The following IWS1 variants were observed in gnomAD, a reference collection of about 807,000 sequenced individuals.
IWS1 encodes the protein protein IWS1 homolog.
In IWS1, 27 loss-of-function variants were observed where a neutral mutation model predicts 86.7. The observed-to-expected ratio is 0.31, with a 90% CI of 0.23 to 0.43. The LOEUF (loss-of-function observed/expected upper bound fraction) is 0.43, where lower values mean the gene tolerates loss of function less well. IWS1 is among the 20% of genes least tolerant of loss of function. IWS1 has a pLI of 1.00. For missense variants in IWS1, 827 were observed against 1,000.8 expected, an observed-to-expected ratio of 0.83 and a Z score of 2.34; for synonymous variants, 313 against 335.1, an observed-to-expected ratio of 0.93 and a Z score of 0.72.
intron 2 of IWS1, among the ~76,000 whole-genome samples, chr2:127,516,032 G>C (rs1541862): frequency 0.013 from 2,014 of 152,176 alleles, 45 homozygotes; most frequent in African/African-American, 0.046. Flanking sequence ...AGAATACTGG[G>C]GCCCTAATCA....
chr2:127,518,015 T>C (rs1202126667), intron 2 of IWS1, among the ~76,000 whole-genome samples: 1 of 152,184 alleles, frequency 6.6e-6, no homozygotes, highest in Non-Finnish European at 1.5e-5. Context: ...CAAGGACTTC[T>C]ATGAGACAGA....
chr2:127,510,745 C>T (rs191464271), intron 2 of IWS1, among the ~76,000 whole-genome samples: 9 of 152,184 alleles, frequency 5.9e-5, no homozygotes, highest in Non-Finnish European at 1.2e-4. Context: ...CCTTGGCCTC[C>T]CAACCAAGTT....
chr2:127,492,569 G>T (rs1407104649), intron 9 of IWS1, among the ~76,000 whole-genome samples: 1 of 151,438 alleles, frequency 6.6e-6, no homozygotes, highest in African/African-American at 2.4e-5. Context: ...AACAAAAAGA[G>T]GTTGAGAGCT....
intron 12 of IWS1, among the ~76,000 whole-genome samples, chr2:127,487,781 A>C (rs1690004789): frequency 1.3e-5 from 2 of 152,114 alleles, no homozygotes; most frequent in Non-Finnish European, 2.9e-5. Context: ...CAACCTCCTG[A>C]CCTCGTGATC....
At chr2:127,492,146 A>T in intron 9 of IWS1, 58 bp from the exon 10 acceptor site, 2 of 1,074,044 alleles carry the variant, frequency 1.9e-6, no homozygotes, top group Non-Finnish European at 2.9e-6. Context: ...GGGTCTTGCT[A>T]GTCTATTCTA....
In IWS1 at chr2:127,481,909, T is replaced by C. The variant is rs115594181; in HGVS notation, c.2329-734A>G. Reference sequence around the variant, plus strand: ...GCAACTAGATTTACATTAAGTATACTTGACACAAAAAGAATATTAAGTCTT... The same window carrying C: ...GCAACTAGATTTACATTAAGTATACCTGACACAAAAAGAATATTAAGTCTT... On this transcript the variant is annotated intron_variant, in intron 13 of 13. Coordinates refer to ENST00000295321, the MANE Select transcript of IWS1 (RefSeq NM_017969.3). Among the ~76,000 whole-genome samples the C allele has an allele frequency of 9.5e-3, 1,446 of 152,312 alleles. 15 individuals carry two copies. The highest frequency in any genetic ancestry group is 0.033 in the African/African-American group (1,368 of 41,572).
chr2:127,513,294 T>A (rs929013030), intron 2 of IWS1, among the ~76,000 whole-genome samples: 1 of 152,110 alleles, frequency 6.6e-6, no homozygotes, highest in African/African-American at 2.4e-5. Flanking sequence ...GGAAACCATA[T>A]AATAACACAG....
intron 3 of IWS1, 138 bp from the exon 4 acceptor site, chr2:127,503,714 A>G: frequency 2.9e-6 from 1 of 338,984 alleles, no homozygotes; most frequent in Non-Finnish European, 4.8e-6. Context: ...ATAAAATAAA[A>G]TCAGAGGGCC....
At position 127,526,354 on chromosome 2, in the gene IWS1, G is replaced by A. The variant is rs914873247; in HGVS notation, c.-146C>T. 103 of 1,537,258 alleles carry A rather than the reference G, an allele frequency of 6.7e-5. No homozygotes were observed. Among genetic ancestry groups the A allele is most frequent in the Non-Finnish European group, 8.4e-5 (96 of 1,146,608 alleles). ...CTTAACGGGTGCGGAGGGTAAGAAA[G>A]CGGTAGCGGCAAAGGCGAATTCTTT... On this transcript the variant is annotated 5_prime_UTR_variant, in exon 1 of 14. Coordinates refer to ENST00000295321, the MANE Select transcript of IWS1 (RefSeq NM_017969.3).
chr2:127,519,319 A>G (rs1047420463), intron 2 of IWS1, among the ~76,000 whole-genome samples: 2 of 151,886 alleles, frequency 1.3e-5, no homozygotes, highest in South Asian at 4.2e-4. Flanking sequence ...CCTGTCTGAG[A>G]TTATTTATAG....
intron 2 of IWS1, among the ~76,000 whole-genome samples, chr2:127,509,977 A>C (rs898170855): frequency 6.6e-6 from 1 of 152,178 alleles, no homozygotes; most frequent in Non-Finnish European, 1.5e-5. Flanking sequence ...TATATCGTCA[A>C]ATGGAAACGT....
chr2:127,527,258 TCTGAGCCTGTTAATAAAGCCAAACAGAC>T (rs1259141830), upstream of IWS1, among the ~76,000 whole-genome samples: 2 of 152,148 alleles, frequency 1.3e-5, no homozygotes, highest in Non-Finnish European at 2.9e-5. Flanking sequence ...TCCCCTTTAT[TCTGAGCCTGTTAATAAAGCCAAACAGAC>T]CTTCCAAATT....
chr2:127,482,282 T>C (rs1458974945), intron 13 of IWS1: 2 of 152,230 alleles, frequency 1.3e-5, no homozygotes, highest in Non-Finnish European at 2.9e-5. Flanking sequence ...GCCTCAACTA[T>C]GACATGAAGC....
In IWS1 at chr2:127,493,333, C is replaced by T. The variant is rs1558745551; in HGVS notation, c.1877G>A (p.Arg626Lys). Reference sequence around the variant, plus strand: ...CCGGATCTTGAGTGCAGGCAAACTCCTATCTGGTAGAGGTGAGAGCCATTC... The same window carrying T: ...CCGGATCTTGAGTGCAGGCAAACTCTTATCTGGTAGAGGTGAGAGCCATTC... ...IKEWLSPLPD[R>K]SLPALKIREE... The change falls in exon 9 of 14, where the codon AGG (arginine) becomes AAG (lysine). Residue 626 changes from arginine (R) to lysine (K), a missense_variant. Coordinates refer to ENST00000295321, the MANE Select transcript of IWS1 (RefSeq NM_017969.3). 1 of 1,613,772 alleles carries T rather than the reference C, an allele frequency of 6.2e-7. No homozygotes were observed. The highest frequency in any genetic ancestry group is 1.3e-5 in the African/African-American group (1 of 75,012).
At position 127,526,280 on chromosome 2, in the gene IWS1, C is replaced by A; in HGVS notation, c.-72G>T. The A allele has an allele frequency of 1.9e-6, 3 of 1,545,666 alleles. No individual in the cohort carries two copies. Among genetic ancestry groups the A allele is most frequent in the East Asian group, 2.4e-5 (1 of 40,964 alleles). ...CGTCACCTCCTTCCAGGCGGTGTGA[C>A]CCCGGATGGCGCGGCTAAGTGTTCA... On this transcript the variant is annotated 5_prime_UTR_variant, in exon 1 of 14. Coordinates refer to ENST00000295321, the MANE Select transcript of IWS1 (RefSeq NM_017969.3).
Position 127,504,811 on chromosome 2 carries a change from A to G in IWS1, c.1092T>C (p.Asp364=). ...HMDRKKFHSS[D]SEEEEHKKQK... is the part of the protein sequence containing the mutation. ...GCTTTTTGTGTTCTTCCTCCTCACT[A>G]TCAGAACTGTGAAACTTTTTTCTGT... The change falls in exon 3 of 14, where the codon GAT becomes GAC. Residue 364 remains aspartate, a synonymous_variant. Coordinates refer to ENST00000295321, the MANE Select transcript of IWS1 (RefSeq NM_017969.3). The G allele has an allele frequency of 6.2e-7, 1 of 1,614,106 alleles. No homozygotes were observed. The highest frequency in any genetic ancestry group is 8.5e-7 in the Non-Finnish European group (1 of 1,180,022).
chr2:127,504,850 T>G lies in IWS1; in HGVS notation c.1053A>C (p.Ser351=). The G allele has an allele frequency of 6.2e-7, 1 of 1,614,238 alleles. No homozygotes were observed. Among genetic ancestry groups the G allele is most frequent in the Non-Finnish European group, 8.5e-7 (1 of 1,180,048 alleles). Residue 351 remains serine, a synonymous_variant, in exon 3 of 14, where the codon TCA becomes TCC. Coordinates refer to ENST00000295321, the MANE Select transcript of IWS1 (RefSeq NM_017969.3). ...DTEMQNDSFH[S]DSHMDRKKFH... Reference sequence around the variant, plus strand: ...ACTTTTTTCTGTCCATATGGCTGTCTGAATGGAAGGAGTCATTCTGCATTT... The same window carrying G: ...ACTTTTTTCTGTCCATATGGCTGTCGGAATGGAAGGAGTCATTCTGCATTT...
chr2:127,485,759 T>G (rs334160), intron 13 of IWS1: 2 of 152,140 alleles, frequency 1.3e-5, no homozygotes, highest in African/African-American at 4.8e-5. Context: ...GTCATTATTT[T>G]GAAACTAAAA....
chr2:127,492,193 T>A lies in IWS1; in HGVS notation c.1930-105A>T. ...CATTCACAACAGAACAAATAAAAAATTCCATTTTCAGGATCTACAGACATA... is the reference window on the plus strand; with the variant it reads ...CATTCACAACAGAACAAATAAAAAAATCCATTTTCAGGATCTACAGACATA... On this transcript the variant is annotated intron_variant, in intron 9 of 13. Coordinates refer to ENST00000295321, the MANE Select transcript of IWS1 (RefSeq NM_017969.3). 4.2e-6 allele frequency: 3 copies of A among 706,794 alleles called. No individual in the cohort carries two copies. The South Asian group carries it at 5.0e-5, about 12-fold the overall frequency. 43.8% of individuals were successfully genotyped at this position (706,794 alleles called of 1,614,324 possible).
Sources: gnomAD v4.1 joint callset for allele counts (sites outside exome capture counted in the v4.1 genomes callset) on GRCh38, gnomAD v4.1.1 for gene constraint, MANE v1.5 for transcripts, NCBI Gene and HGNC (gene_info 2026-07-23, HGNC 2026-07-21) for gene names.